Variants in NUGGC observed in about 807,000 individuals in gnomAD.
NUGGC encodes the protein nuclear GTPase, germinal center associated.
NUGGC carries 58 observed loss-of-function variants against 92.6 expected under a neutral mutation model. The observed-to-expected ratio is 0.63, with a 90% confidence interval of 0.51 to 0.78. NUGGC has a LOEUF of 0.78. Ranked by LOEUF, NUGGC falls within the 30% of genes least tolerant of loss-of-function variation. The pLI is 0.00. For synonymous variants in NUGGC, 376 were observed against 366.4 expected, an observed-to-expected ratio of 1.03 and a Z score of -0.30; for missense variants, 925 against 964.6, an observed-to-expected ratio of 0.96 and a Z score of 0.54.
At chr8:28,067,453 G>A (rs1810464585) in intron 6 of NUGGC, 61 bp downstream of exon 6, 2 of 1,090,138 alleles carry the variant, frequency 1.8e-6, no homozygotes, top group Non-Finnish European at 1.4e-6. Flanking sequence ...CCCTGAAACA[G>A]GTTCAACTGT....
chr8:28,052,782 A>G (rs951171668), intron 10 of NUGGC, among the ~76,000 whole-genome samples: 4 of 152,168 alleles, frequency 2.6e-5, no homozygotes, highest in African/African-American at 9.7e-5. Flanking sequence ...CCTTCCTTCT[A>G]ATGAGTTGTG....
intron 13 of NUGGC, among the ~76,000 whole-genome samples, chr8:28,036,122 C>T (rs1316962475): frequency 6.6e-6 from 1 of 152,172 alleles, no homozygotes; most frequent in Non-Finnish European, 1.5e-5. Context: ...AATCCTTCTG[C>T]CTCAGCCTCC....
At chr8:28,047,479 T>C (rs1489576953) in intron 11 of NUGGC, 28 bp downstream of exon 11, 5 of 1,338,850 alleles carry the variant, frequency 3.7e-6, no homozygotes, top group Non-Finnish European at 2.1e-6. Flanking sequence ...AGAATTTTAG[T>C]GATGGAGATT....
chr8:28,061,544 T>C (rs977184656), intron 7 of NUGGC, among the ~76,000 whole-genome samples: 2 of 152,246 alleles, frequency 1.3e-5, no homozygotes, highest in Non-Finnish European at 2.9e-5. Context: ...AGTTTTTAAC[T>C]AGTAGAGGTT....
At chr8:28,053,745 C>A (rs1449733222) in intron 10 of NUGGC, among the ~76,000 whole-genome samples, 1 of 152,166 alleles carries the variant, frequency 6.6e-6, no homozygotes, top group Non-Finnish European at 1.5e-5. Flanking sequence ...TTGAAGTATT[C>A]TACGTTTCCA....
chr8:28,064,431 C>T (rs757750739), intron 7 of NUGGC, 91 bp downstream of exon 7: 237 of 1,076,474 alleles, frequency 2.2e-4, no homozygotes, highest in Non-Finnish European at 3.2e-4. Context: ...AACTCAAAAT[C>T]CCTGAAGCTG....
At chr8:28,023,593 C>T in intron 18 of NUGGC, 131 bp from the exon 19 acceptor site, 1 of 894,800 alleles carries the variant, frequency 1.1e-6, no homozygotes, top group Non-Finnish European at 1.7e-6. Context: ...ACAGATCAGA[C>T]ATCAAAGCAG....
intron 10 of NUGGC, among the ~76,000 whole-genome samples, chr8:28,053,726 A>T (rs1810064771): frequency 6.6e-6 from 1 of 152,176 alleles, no homozygotes; most frequent in African/African-American, 2.4e-5. Flanking sequence ...CATAGTTGTA[A>T]ATTGTGTATT....
intron 10 of NUGGC, 51 bp from the exon 11 acceptor site, chr8:28,047,663 GGCAATCAT>G (rs1809875259): frequency 8.5e-7 from 1 of 1,181,382 alleles, no homozygotes; most frequent in Non-Finnish European, 1.2e-6. Flanking sequence ...CCATAGCAAA[GGCAATCAT>G]GCACAGGACC....
chr8:28,052,052 C>T (rs1240105701), intron 10 of NUGGC, among the ~76,000 whole-genome samples: 1 of 152,140 alleles, frequency 6.6e-6, no homozygotes, highest in Non-Finnish European at 1.5e-5. Context: ...AGCCTCGTTA[C>T]TATAGGATGG....
At chr8:28,068,635 G>C (rs1016155330) in intron 4 of NUGGC, among the ~76,000 whole-genome samples, 197 bp from the exon 5 acceptor site, 1 of 152,344 alleles carries the variant, frequency 6.6e-6, no homozygotes, top group Admixed American at 6.5e-5. Context: ...ATGAGATTAT[G>C]TAAAAATATT....
intron 10 of NUGGC, among the ~76,000 whole-genome samples, chr8:28,049,624 C>T (rs118091017): frequency 5.9e-5 from 9 of 152,166 alleles, no homozygotes; most frequent in Non-Finnish European, 1.0e-4. Flanking sequence ...ACAGCTACAG[C>T]TAGAGGTAGG....
At chr8:28,057,187 G>A (rs1001005179) in intron 9 of NUGGC, among the ~76,000 whole-genome samples, 1 of 152,182 alleles carries the variant, frequency 6.6e-6, no homozygotes, top group Non-Finnish European at 1.5e-5. Context: ...CTTCATATGT[G>A]CCGTAGATTG....
Position 28,045,894 on chromosome 8 carries a change from A to C in NUGGC, c.1313-234T>G, listed in dbSNP as rs17058514. On this transcript the variant is annotated intron_variant, in intron 11 of 18. Coordinates refer to ENST00000413272, the MANE Select transcript of NUGGC (RefSeq NM_001010906.2). Reference sequence around the variant, plus strand: ...CTGCATATTCATTTTATTTAGCCGTATTAAAAAAACTACATGGAAAAGTAC... The same window carrying C: ...CTGCATATTCATTTTATTTAGCCGTCTTAAAAAAACTACATGGAAAAGTAC... 0.061 allele frequency among the ~76,000 whole-genome samples: 9,346 copies of C among 152,256 alleles called. 670 individuals carry two copies. The highest frequency in any genetic ancestry group is 0.18 in the African/African-American group (7,295 of 41,520).
intron 7 of NUGGC, among the ~76,000 whole-genome samples, chr8:28,062,098 C>T (rs1346711283): frequency 1.3e-5 from 2 of 152,148 alleles, no homozygotes; most frequent in African/African-American, 4.8e-5. Flanking sequence ...TGTCCAGGAA[C>T]CTTTTGGCTC....
At chr8:28,061,013 A>G (rs1810292612) in intron 7 of NUGGC, among the ~76,000 whole-genome samples, 2 of 152,200 alleles carry the variant, frequency 1.3e-5, no homozygotes, top group Non-Finnish European at 1.5e-5. Flanking sequence ...CTTGGCACAC[A>G]GGAGAGGCTT....
chr8:28,041,270 TC>T (rs543843475), intron 12 of NUGGC, 55 bp from the exon 13 acceptor site: 1 of 1,528,914 alleles, frequency 6.5e-7, no homozygotes, highest in Non-Finnish European at 8.9e-7. Context: ...GGGCACCTTC[TC>T]CTGAAGCTTT....
intron 1 of NUGGC, among the ~76,000 whole-genome samples, chr8:28,075,785 G>T (rs1263164277): frequency 1.3e-5 from 2 of 152,154 alleles, no homozygotes; most frequent in East Asian, 3.8e-4. Flanking sequence ...GTGGGTGTTG[G>T]GTGAATGGGG....
intron 2 of NUGGC, among the ~76,000 whole-genome samples, chr8:28,072,608 A>G (rs890704543): frequency 2.6e-5 from 4 of 152,196 alleles, no homozygotes; most frequent in Non-Finnish European, 4.4e-5. Flanking sequence ...AAGAGTTTGG[A>G]AGCTTATTTC....
Sources: gnomAD v4.1 joint callset for allele counts (sites outside exome capture counted in the v4.1 genomes callset) on GRCh38, gnomAD v4.1.1 for gene constraint, MANE v1.5 for transcripts, NCBI Gene and HGNC (gene_info 2026-07-23, HGNC 2026-07-21) for gene names.